RBAK: variants seen among roughly 807,000 people sequenced by gnomAD.
RBAK encodes RB-associated KRAB zinc finger protein.
In RBAK, 39 loss-of-function variants were observed where a neutral mutation model predicts 65.8. That is an observed-to-expected ratio of 0.59 (90% CI 0.46 to 0.77). RBAK has a LOEUF of 0.77. Ranked by LOEUF, RBAK falls within the 30% of genes least tolerant of loss-of-function variation. RBAK has a pLI of 0.00. For missense variants in RBAK, 884 were observed against 855.1 expected, an observed-to-expected ratio of 1.03 and a Z score of -0.42; for synonymous variants, 343 against 289.7, an observed-to-expected ratio of 1.18 and a Z score of -1.87.
In RBAK at chr7:5,064,107, G is replaced by C. The variant is rs542342688; in HGVS notation, c.651G>C (p.Glu217Asp). Residue 217 changes from glutamate (E) to aspartate (D), a missense_variant, in exon 5 of 5, where the codon GAG becomes GAC. Glu to Asp is a conservative substitution (Grantham distance 45). Coordinates refer to ENST00000396912, the MANE Select transcript of RBAK (RefSeq NM_021163.4). The surrounding 1 kb of genome is among the most constrained non-coding windows in gnomAD (Gnocchi z 6.3). ...AATGCATGGAAGCCTTAGACAATGA[G>C]GCTGTTTTTATTGCTCATAAGAGAG... is the stretch of plus-strand genomic sequence containing the variant. ...YNECMEALDN[E>D]AVFIAHKRAY... is the part of the protein sequence containing the mutation. 1 of 1,613,942 alleles carries C rather than the reference G, an allele frequency of 6.2e-7. No homozygotes were observed. The highest frequency in any genetic ancestry group is 1.3e-5 in the African/African-American group (1 of 75,036).
chr7:5,057,361 G>A lies in RBAK; in HGVS notation c.82G>A (p.Asp28Asn). Residue 28 changes from aspartate (D) to asparagine (N), a missense_variant, in exon 3 of 5, where the codon GAT (aspartate) becomes AAT (asparagine). By Grantham distance (23) the Asp-to-Asn change is conservative (BLOSUM62 1). Transcript: ENST00000396912. ...GGAGGAGTGGCAGCAGCTGGACCCTGATGAGAAGATAACTTACAGGGATGT... is the reference window on the plus strand; with the variant it reads ...GGAGGAGTGGCAGCAGCTGGACCCTAATGAGAAGATAACTTACAGGGATGT... ...TQEEWQQLDP[D>N]EKITYRDVML... The A allele has an allele frequency of 1.2e-6, 2 of 1,614,028 alleles. No homozygotes were observed. The highest frequency in any genetic ancestry group is 1.7e-6 in the Non-Finnish European group (2 of 1,180,008).
In RBAK at chr7:5,068,939, T is replaced by C. The variant is rs1456460642; in HGVS notation, c.*3338T>C. On this transcript the variant is annotated 3_prime_UTR_variant, in exon 5 of 5. Coordinates refer to ENST00000396912, the MANE Select transcript of RBAK (RefSeq NM_021163.4). ...ACACAAAAGCCAACATGCTGTATGA[T>C]TCCTTCTATATAAATTATAAAGACG... The C allele has an allele frequency of 6.6e-6, 1 of 152,198 alleles. No individual in the cohort carries two copies. The allele number at this position is 152,198 out of a possible 1,614,324, so 9.4% of individuals were successfully genotyped here. A position where few individuals can be genotyped will look rare whatever the true frequency, so the allele number is the denominator to read the frequency against.
intron 1 of RBAK, among the ~76,000 whole-genome samples, chr7:5,046,704 C>G (rs558077333): frequency 8.5e-5 from 13 of 152,190 alleles, no homozygotes; most frequent in African/African-American, 3.1e-4. Context: ...TCTAAACGTC[C>G]GTCAGCGCCT....
At chr7:5,055,006 T>G (rs1788195080) in intron 2 of RBAK, among the ~76,000 whole-genome samples, 1 of 152,088 alleles carries the variant, frequency 6.6e-6, no homozygotes, top group African/African-American at 2.4e-5. Context: ...GGTCTTGAAC[T>G]CCTGACCTCG....
In RBAK at chr7:5,064,954, G is replaced by T; in HGVS notation, c.1498G>T (p.Asp500Tyr). The change falls in exon 5 of 5, where the codon GAC becomes TAC. Residue 500 changes from aspartate to tyrosine, a missense_variant. Physicochemically the swap from Asp to Tyr is radical, Grantham distance 160. Coordinates refer to ENST00000396912, the MANE Select transcript of RBAK (RefSeq NM_021163.4). The surrounding 1 kb of genome is among the most constrained non-coding windows in gnomAD (Gnocchi z 6.3). ...CGKFSQLYLT[D>Y]HHTAHLEEKP... ...AAAGTTCTCTCAGTTGTATCTCACC[G>T]ACCATCATACAGCTCATTTAGAAGA... 6.2e-7 allele frequency: 1 copy of T among 1,613,804 alleles called. No individual in the cohort carries two copies. The highest frequency in any genetic ancestry group is 8.5e-7 in the Non-Finnish European group (1 of 1,179,940).
At chr7:5,057,158 A>G (rs1778938689) in intron 2 of RBAK, 137 bp from the exon 3 acceptor site, 5 of 1,321,322 alleles carry the variant, frequency 3.8e-6, no homozygotes, top group Admixed American at 4.9e-5. Context: ...TGTTTCCAAT[A>G]TGATTTCCCT....
At chr7:5,046,958 A>G (rs528533680) in intron 1 of RBAK, among the ~76,000 whole-genome samples, 10 of 152,306 alleles carry the variant, frequency 6.6e-5, no homozygotes, top group East Asian at 1.9e-4. Context: ...AGTTTTCTTA[A>G]TAGAAGATTA....
Position 5,068,903 on chromosome 7 carries a change from A to G in RBAK, c.*3302A>G, listed in dbSNP as rs897647335. The G allele has an allele frequency of 2.6e-5, 4 of 152,212 alleles. No homozygotes were observed. The highest frequency in any genetic ancestry group is 9.6e-5 in the African/African-American group (4 of 41,460). The allele number at this position is 152,212 out of a possible 1,614,324, so 9.4% of individuals were successfully genotyped here. On this transcript the variant is annotated 3_prime_UTR_variant, in exon 5 of 5. Coordinates refer to ENST00000396912, the MANE Select transcript of RBAK (RefSeq NM_021163.4). ...TGAATTTAACAAACCTTGCTGAATG[A>G]AAGACTCCAGACACAAAAGCCAACA...
Position 5,065,850 on chromosome 7 carries a change from A to G in RBAK, c.*249A>G, listed in dbSNP as rs192391770. 20 of 281,384 alleles carry G rather than the reference A, an allele frequency of 7.1e-5. No individual in the cohort carries two copies. The highest frequency in any genetic ancestry group is 2.0e-4 in the Admixed American group (4 of 19,922). 17.4% of individuals were successfully genotyped at this position (281,384 alleles called of 1,614,324 possible). The stretch of plus-strand genomic sequence containing the variant: ...AGGAGTGAAGTTTTATAAATATTTA[A>G]TATTTATTTTGGATTCAAATTGTAT... On this transcript the variant is annotated 3_prime_UTR_variant, in exon 5 of 5. Coordinates refer to ENST00000396912, the MANE Select transcript of RBAK (RefSeq NM_021163.4). The surrounding 1 kb of genome is among the most constrained non-coding windows in gnomAD (Gnocchi z 5.3).
rs1363975571 is a variant in RBAK, at chr7:5,065,107, T to C, written c.1651T>C (p.Leu551=). ...TGTATGTGGAAAGTTATTCAATGAG[T>C]TGTCATACTATACTGAACATTATAG... ...CNVCGKLFNE[L]SYYTEHYRSH... The change falls in exon 5 of 5, where the codon TTG becomes CTG. Residue 551 remains leucine (L), a synonymous_variant. Transcript: ENST00000396912. The surrounding 1 kb of genome is among the most constrained non-coding windows in gnomAD (Gnocchi z 5.3). 1 of 1,613,802 alleles carries C rather than the reference T, an allele frequency of 6.2e-7. No individual in the cohort carries two copies. Among genetic ancestry groups the C allele is most frequent in the Non-Finnish European group, 8.5e-7 (1 of 1,179,914 alleles).
In RBAK at chr7:5,067,210, A is replaced by G. The variant is rs922292590; in HGVS notation, c.*1609A>G. On this transcript the variant is annotated 3_prime_UTR_variant, in exon 5 of 5. Transcript: ENST00000396912. ...ACCTAACCAGAAAACTAATGCAAGGAAGAGAAACAAAAGGCATAGAGATTA... is the reference window on the plus strand; with the variant it reads ...ACCTAACCAGAAAACTAATGCAAGGGAGAGAAACAAAAGGCATAGAGATTA... 1.3e-5 allele frequency: 2 copies of G among 152,208 alleles called. No homozygotes were observed. The highest frequency in any genetic ancestry group is 4.8e-5 in the African/African-American group (2 of 41,468). The allele number at this position is 152,208 out of a possible 1,614,324, so 9.4% of individuals were successfully genotyped here. A position where few individuals can be genotyped will look rare whatever the true frequency, so the allele number is the denominator to read the frequency against.
At chr7:5,052,309 T>C (rs6946191) in intron 2 of RBAK, among the ~76,000 whole-genome samples, 5,831 of 152,278 alleles carry the variant, frequency 0.038, 413 homozygotes, top group African/African-American at 0.13. Flanking sequence ...TCAGTCTATT[T>C]CTGCCTCATA....
chr7:5,065,052 T>A lies in RBAK; in HGVS notation c.1596T>A (p.Leu532=). 1 of 1,613,864 alleles carries A rather than the reference T, an allele frequency of 6.2e-7. No homozygotes were observed. The highest frequency in any genetic ancestry group is 2.2e-5 in the East Asian group (1 of 44,860). The change falls in exon 5 of 5, where the codon CTT becomes CTA. Residue 532 remains leucine, a synonymous_variant. Transcript: ENST00000396912. This position sits in a 1 kb window ranked among gnomAD's most constrained non-coding sequence, Gnocchi z 5.3. ...VNSAFDGHQP[L]PKGEKSYECN... ...CAGCCTTCGATGGGCACCAGCCACT[T>A]CCAAAAGGGGAGAAATCCTATGAAT...
intron 2 of RBAK, among the ~76,000 whole-genome samples, chr7:5,054,486 T>A (rs1788182178): frequency 6.6e-6 from 1 of 152,060 alleles, no homozygotes; most frequent in Non-Finnish European, 1.5e-5. Context: ...TTGTTGCTGC[T>A]GTTCTTTGTT....
intron 2 of RBAK, among the ~76,000 whole-genome samples, chr7:5,051,953 G>C (rs544246115): frequency 2.0e-5 from 3 of 152,286 alleles, no homozygotes; most frequent in African/African-American, 7.2e-5. Context: ...TGTTGATTGT[G>C]TGCCTACTTG....
chr7:5,046,346 C>T lies in RBAK; in HGVS notation c.-95C>T, dbSNP rs1333775945. On this transcript the variant is annotated 5_prime_UTR_variant, in exon 1 of 5. Transcript: ENST00000396912. ...AGACGCGCGCCAGCGACAGCAGCCC[C>T]GCCCCGGCCTCTCGGGAGCCGTGGG... 3.9e-6 allele frequency: 2 copies of T among 515,666 alleles called. No individual in the cohort carries two copies. Among genetic ancestry groups the T allele is most frequent in the Non-Finnish European group, 3.9e-6 (1 of 259,274 alleles). 31.9% of individuals were successfully genotyped at this position (515,666 alleles called of 1,614,324 possible). A position where few individuals can be genotyped will look rare whatever the true frequency, so the allele number is the denominator to read the frequency against.
chr7:5,049,426 C>G (rs753529093), intron 2 of RBAK, among the ~76,000 whole-genome samples: 5 of 152,220 alleles, frequency 3.3e-5, no homozygotes, highest in Non-Finnish European at 7.3e-5. Context: ...CAGTTACTCT[C>G]TTGTGAAGAT....
chr7:5,061,925 C>G (rs761304875), intron 4 of RBAK, among the ~76,000 whole-genome samples: 4 of 151,728 alleles, frequency 2.6e-5, no homozygotes, highest in Admixed American at 1.3e-4. Context: ...ACCTTGTCTT[C>G]TGGTCTATCT....
intron 2 of RBAK, among the ~76,000 whole-genome samples, chr7:5,054,241 C>A (rs1340562790): frequency 6.6e-6 from 1 of 152,018 alleles, no homozygotes; most frequent in African/African-American, 2.4e-5. Flanking sequence ...CCCTTCTATA[C>A]TAAAAATACA....
Sources: gnomAD v4.1 joint callset for allele counts (sites outside exome capture counted in the v4.1 genomes callset) on GRCh38, gnomAD v4.1.1 for gene constraint, Gnocchi (gnomAD v3.1) non-coding constraint, MANE v1.5 for transcripts, NCBI Gene and HGNC (gene_info 2026-07-23, HGNC 2026-07-21) for gene names.